PAWR: variants seen among roughly 807,000 people sequenced by gnomAD.
PAWR encodes the protein PRKC apoptosis WT1 regulator protein.
PAWR carries 23 observed loss-of-function variants against 32.0 expected under a neutral mutation model. The observed-to-expected ratio is 0.72, with a 90% CI of 0.52 to 1.02. PAWR has a LOEUF of 1.02. Ranked by LOEUF, PAWR falls within the 50% of genes least tolerant of loss-of-function variation. The pLI is 0.00. For missense variants in PAWR, 457 were observed against 437.7 expected, an observed-to-expected ratio of 1.04 and a Z score of -0.39; for synonymous variants, 226 against 187.1, an observed-to-expected ratio of 1.21 and a Z score of -1.70.
chr12:79,676,953 G>T (rs1878199908), intron 2 of PAWR, among the ~76,000 whole-genome samples: 1 of 152,134 alleles, frequency 6.6e-6, no homozygotes, highest in Non-Finnish European at 1.5e-5. Flanking sequence ...CTAAGAGTAT[G>T]ACCTAACATT....
intron 2 of PAWR, among the ~76,000 whole-genome samples, chr12:79,638,894 ATATTTTTTTTTTTTTTTT>A (rs1876134084): frequency 7.7e-5 from 1 of 12,970 alleles, no homozygotes; most frequent in African/African-American, 3.5e-4. Flanking sequence ...ATATATATAT[ATATTTTTTTTTTTTTTTT>A]TTTTTTTTTT....
intron 2 of PAWR, among the ~76,000 whole-genome samples, chr12:79,685,645 C>T (rs941982545): frequency 6.6e-6 from 1 of 152,016 alleles, no homozygotes; most frequent in African/African-American, 2.4e-5. Context: ...TACGTTTTGC[C>T]GAGAGCCTGG....
chr12:79,668,844 C>T (rs924740028), intron 2 of PAWR, among the ~76,000 whole-genome samples: 7 of 152,062 alleles, frequency 4.6e-5, no homozygotes, highest in Non-Finnish European at 8.8e-5. Flanking sequence ...CTGGGGACCC[C>T]TGTATAGAGA....
At chr12:79,604,241 C>T in intron 4 of PAWR, 1 of 984,026 alleles carries the variant, frequency 1.0e-6, no homozygotes, top group Non-Finnish European at 1.2e-6. Context: ...CAAAAAGAAT[C>T]CTCCCTCCAC....
rs886489057 is a variant in PAWR at position 79,589,072 on chromosome 12, T to C, written c.*3535A>G. ...ATTGGGAATACAATCCTATAACAAG[T>C]TATTAACAATATCATGAATAGTTAT... On this transcript the variant is annotated 3_prime_UTR_variant, in exon 7 of 7. Coordinates refer to ENST00000328827, the MANE Select transcript of PAWR (RefSeq NM_002583.4). The C allele has an allele frequency of 1.6e-4, 24 of 151,952 alleles. No individual in the cohort carries two copies. Among genetic ancestry groups the C allele is most frequent in the African/African-American group, 5.3e-4 (22 of 41,424 alleles). 9.4% of individuals were successfully genotyped at this position (151,952 alleles called of 1,614,324 possible).
intron 2 of PAWR, among the ~76,000 whole-genome samples, chr12:79,648,722 G>A (rs1331686039): frequency 4.7e-5 from 7 of 149,604 alleles, no homozygotes; most frequent in Admixed American, 4.0e-4. Flanking sequence ...CCAGGAAGTC[G>A]AAGCTGCAAT....
At chr12:79,670,618 A>G (rs1030894544) in intron 2 of PAWR, among the ~76,000 whole-genome samples, 5 of 152,204 alleles carry the variant, frequency 3.3e-5, no homozygotes, top group Non-Finnish European at 7.3e-5. Context: ...CAAAGGGAGT[A>G]ATTTACAAAA....
At chr12:79,601,650 A>G (rs938118690) in intron 4 of PAWR, among the ~76,000 whole-genome samples, 1 of 152,188 alleles carries the variant, frequency 6.6e-6, no homozygotes, top group African/African-American at 2.4e-5. Flanking sequence ...TCTGTATCCC[A>G]AAAATAGAGC....
At chr12:79,679,867 T>C (rs1325102396) in intron 2 of PAWR, among the ~76,000 whole-genome samples, 1 of 151,678 alleles carries the variant, frequency 6.6e-6, no homozygotes, top group African/African-American at 2.4e-5. Flanking sequence ...ATCTATTCTT[T>C]CTTTCCTTTT....
At chr12:79,686,691 T>C (rs535804047) in intron 2 of PAWR, among the ~76,000 whole-genome samples, 143 of 152,306 alleles carry the variant, frequency 9.4e-4, no homozygotes, top group African/African-American at 3.3e-3. Flanking sequence ...CATGTACATA[T>C]GTGAGAACAT....
At chr12:79,600,338 T>C (rs904203518) in intron 4 of PAWR, among the ~76,000 whole-genome samples, 1 of 152,178 alleles carries the variant, frequency 6.6e-6, no homozygotes, top group Non-Finnish European at 1.5e-5. Context: ...ATTTAAATAA[T>C]ACTTGTAAAA....
intron 3 of PAWR, among the ~76,000 whole-genome samples, chr12:79,620,317 A>G (rs1276304187): frequency 6.6e-6 from 1 of 152,218 alleles, no homozygotes; most frequent in Admixed American, 6.5e-5. Flanking sequence ...TAAGTCCTAA[A>G]GCCATTAGGC....
At chr12:79,619,935 T>C (rs8176880) in intron 3 of PAWR, among the ~76,000 whole-genome samples, 1,687 of 152,310 alleles carry the variant, frequency 0.011, 41 homozygotes, top group African/African-American at 0.038. Context: ...GAAAACAGTC[T>C]TTACAGGTAC....
chr12:79,681,725 G>GA (rs1345653471), intron 2 of PAWR, among the ~76,000 whole-genome samples: 4 of 151,950 alleles, frequency 2.6e-5, no homozygotes, highest in African/African-American at 9.7e-5. Flanking sequence ...TCTACTAGCA[G>GA]AAAAAAATTA....
At chr12:79,634,352 A>G (rs1391440056) in intron 2 of PAWR, among the ~76,000 whole-genome samples, 1 of 152,134 alleles carries the variant, frequency 6.6e-6, no homozygotes, top group East Asian at 1.9e-4. Flanking sequence ...CAAGACAAGA[A>G]CTCAGATTTT....
In PAWR at chr12:79,590,894, T is replaced by C. The variant is rs749461070; in HGVS notation, c.*1713A>G. 2.0e-5 allele frequency: 3 copies of C among 152,190 alleles called. No individual in the cohort carries two copies. Among genetic ancestry groups the C allele is most frequent in the African/African-American group, 4.8e-5 (2 of 41,444 alleles). 9.4% of individuals were successfully genotyped at this position (152,190 alleles called of 1,614,324 possible). A position where few individuals can be genotyped will look rare whatever the true frequency, so the allele number is the denominator to read the frequency against. On this transcript the variant is annotated 3_prime_UTR_variant, in exon 7 of 7. Transcript: ENST00000328827. The stretch of plus-strand genomic sequence containing the variant: ...TAAACTTTTTCGTGAGCAGTGAATA[T>C]ACACATGGTCATATGAAAACTGCCC...
At chr12:79,599,803 A>G (rs186038422) in intron 4 of PAWR, among the ~76,000 whole-genome samples, 71 of 152,298 alleles carry the variant, frequency 4.7e-4, no homozygotes, top group Middle Eastern at 6.8e-3. Context: ...AACATTTCCA[A>G]GCAAACATGT....
intron 2 of PAWR, among the ~76,000 whole-genome samples, chr12:79,676,112 G>C (rs905536333): frequency 6.6e-6 from 1 of 151,858 alleles, no homozygotes; most frequent in African/African-American, 2.4e-5. Flanking sequence ...TCAATGCTTT[G>C]CTTTCCTCAC....
chr12:79,625,042 T>C (rs990896678), intron 2 of PAWR, among the ~76,000 whole-genome samples: 1 of 152,250 alleles, frequency 6.6e-6, no homozygotes, highest in Admixed American at 6.5e-5. Context: ...TCCTTCAGTA[T>C]GACATTACCT....
Sources: allele counts gnomAD v4.1 joint callset (sites outside exome capture counted in the v4.1 genomes callset), GRCh38; gene constraint gnomAD v4.1.1; transcripts MANE v1.5; gene names NCBI Gene and HGNC (gene_info 2026-07-23, HGNC 2026-07-21).